TOPBP1: variants seen among roughly 807,000 people sequenced by gnomAD.
TOPBP1 encodes DNA topoisomerase 2-binding protein 1.
A neutral mutation model predicts 167.7 loss-of-function variants in TOPBP1; 28 were observed. The observed-to-expected ratio is 0.17, with a 90% CI of 0.12 to 0.23. The LOEUF (loss-of-function observed/expected upper bound fraction) is 0.23, where lower values mean the gene tolerates loss of function less well. TOPBP1 is among the 10% of genes least tolerant of loss of function. TOPBP1 has a pLI of 1.00. For synonymous variants in TOPBP1, 598 were observed against 611.4 expected, an observed-to-expected ratio of 0.98 and a Z score of 0.32; for missense variants, 1,554 against 1,809.6, an observed-to-expected ratio of 0.86 and a Z score of 2.56.
Position 133,656,774 on chromosome 3 carries a change from T to C in TOPBP1, c.447A>G (p.Gly149=), listed in dbSNP as rs1936490193. The change falls in exon 5 of 28, where the codon GGA becomes GGG. Residue 149 remains glycine (G), a synonymous_variant. Coordinates refer to ENST00000260810, the MANE Select transcript of TOPBP1 (RefSeq NM_007027.4). The part of the protein sequence containing the change: ...LNVSVTHLIA[G]EVGSKKYLVA... ...CTAAATATTTTTTGCTACCAACTTC[T>C]CCTGCAATAAGGTGAGTTACTGATA... 6.2e-7 allele frequency: 1 copy of C among 1,613,196 alleles called. No homozygotes were observed. Among genetic ancestry groups the C allele is most frequent in the East Asian group, 2.2e-5 (1 of 44,780 alleles).
chr3:133,653,351 T>A lies in TOPBP1; in HGVS notation c.916A>T (p.Ile306Phe), dbSNP rs746965373. ...SSTPTSQINT[I>F]DSRTLSDVSN... ...TAATCTCAATGAGACTCACTATCAA[T>A]TGTGTTGATCTGGCTGGTAGGAGTT... is the stretch of plus-strand genomic sequence containing the variant. The change falls in exon 7 of 28, where the codon ATT becomes TTT. Residue 306 changes from isoleucine to phenylalanine, a missense_variant. Transcript: ENST00000260810. 1 of 1,593,540 alleles carries A rather than the reference T, an allele frequency of 6.3e-7. No individual in the cohort carries two copies. Among genetic ancestry groups the A allele is most frequent in the South Asian group, 1.1e-5 (1 of 87,164 alleles).
intron 12 of TOPBP1, among the ~76,000 whole-genome samples, chr3:133,640,766 A>C (rs1174310723): frequency 6.6e-6 from 1 of 152,208 alleles, no homozygotes; most frequent in Non-Finnish European, 1.5e-5. Flanking sequence ...TCCCAAAAGA[A>C]GGCACAGAAA....
At position 133,657,874 on chromosome 3, in the gene TOPBP1, C is replaced by G; in HGVS notation, c.287G>C (p.Arg96Thr). The G allele has an allele frequency of 1.9e-6, 3 of 1,601,308 alleles. No homozygotes were observed. The highest frequency in any genetic ancestry group is 2.6e-6 in the Non-Finnish European group (3 of 1,175,154). Residue 96 changes from arginine to threonine, a missense_variant, in exon 4 of 28, where the codon AGA (arginine) becomes ACA (threonine). This residue lies in a region of TOPBP1 where 1,197 missense variants were observed against 1,351.5 expected (regional missense o/e 0.89). Transcript: ENST00000260810. ...CATATTATAAACTGGATGTTCGGCTCTTGGGACACATCGCTGGTGGTGCAT... is the reference window on the plus strand; with the variant it reads ...CATATTATAAACTGGATGTTCGGCTGTTGGGACACATCGCTGGTGGTGCAT... Reference protein sequence around the residue: ...FCMHHQRCVPRAEHPVYNMVM... With the variant: ...FCMHHQRCVPTAEHPVYNMVM...
Position 133,618,326 on chromosome 3 carries a change from T to G in TOPBP1, c.3479A>C (p.Asn1160Thr). 6.2e-7 allele frequency: 1 copy of G among 1,613,974 alleles called. No individual in the cohort carries two copies. The highest frequency in any genetic ancestry group is 8.5e-7 in the Non-Finnish European group (1 of 1,179,856). ...AREERARLAS[N>T]LQWPSCPTQY... ...TGTGGGACAACTAGGCCACTGCAAA[T>G]TGCTGGCAAGCCTTGCTCTCTCCTC... Residue 1160 changes from asparagine (N) to threonine (T), a missense_variant, in exon 21 of 28, where the codon AAT (asparagine) becomes ACT (threonine). Physicochemically the swap from Asn to Thr is moderately conservative, Grantham distance 65. Transcript: ENST00000260810.
At position 133,601,181 on chromosome 3, in the gene TOPBP1, AT is replaced by A; in HGVS notation, c.*68del. On this transcript the variant is annotated 3_prime_UTR_variant, in exon 28 of 28. Coordinates refer to ENST00000260810, the MANE Select transcript of TOPBP1 (RefSeq NM_007027.4). ...CATCTTTAAATTACTACCCAAATCT[AT>A]CACAGTCACATTCAGGCTTTCAATT... 1 of 1,380,284 alleles carries A rather than the reference AT, an allele frequency of 7.2e-7. No individual in the cohort carries two copies. The highest frequency in any genetic ancestry group is 9.9e-7 in the Non-Finnish European group (1 of 1,010,764). 85.5% of individuals were successfully genotyped at this position (1,380,284 alleles called of 1,614,324 possible).
At chr3:133,661,448 A>T (rs1342796866) in intron 1 of TOPBP1, among the ~76,000 whole-genome samples, 1 of 152,238 alleles carries the variant, frequency 6.6e-6, no homozygotes, top group Non-Finnish European at 1.5e-5. Flanking sequence ...TTAAGGATAC[A>T]CAGAGTGTAT....
chr3:133,636,392 AGAT>A (rs1351746799), intron 14 of TOPBP1, among the ~76,000 whole-genome samples: 1 of 66,950 alleles, frequency 1.5e-5, no homozygotes, highest in Non-Finnish European at 3.5e-5. Flanking sequence ...ATCAGTTTGA[AGAT>A]GATAAGATTA....
intron 27 of TOPBP1, among the ~76,000 whole-genome samples, chr3:133,606,793 C>T (rs1934507803): frequency 6.6e-6 from 1 of 151,936 alleles, no homozygotes; most frequent in South Asian, 2.1e-4. Context: ...GCTAGAACAC[C>T]TAGATATCTA....
intron 2 of TOPBP1, among the ~76,000 whole-genome samples, chr3:133,659,908 A>G (rs1936623315): frequency 6.6e-6 from 1 of 152,130 alleles, no homozygotes; most frequent in South Asian, 2.1e-4. Flanking sequence ...ATCCCTTTAA[A>G]ACTGTAAGTC....
rs1051109217 is a variant in TOPBP1 at position 133,608,966 on chromosome 3, C to T, written c.4174-4G>A. 1 of 1,602,194 alleles carries T rather than the reference C, an allele frequency of 6.2e-7. No homozygotes were observed. Among genetic ancestry groups the T allele is most frequent in the Non-Finnish European group, 8.5e-7 (1 of 1,175,604 alleles). On this transcript the variant is annotated splice_polypyrimidine_tract_variant and splice_region_variant and intron_variant, in intron 25 of 27. Coordinates refer to ENST00000260810, the MANE Select transcript of TOPBP1 (RefSeq NM_007027.4). ...CCTTCCACCCACTAAATGCTCCCTACAAATAAAAAACAATCAGTGGTGAAA... is the reference window on the plus strand; with the variant it reads ...CCTTCCACCCACTAAATGCTCCCTATAAATAAAAAACAATCAGTGGTGAAA...
At position 133,649,485 on chromosome 3, in the gene TOPBP1, T is replaced by C. The variant is rs772291073; in HGVS notation, c.1402A>G (p.Lys468Glu). 3 of 1,613,962 alleles carry C rather than the reference T, an allele frequency of 1.9e-6. No homozygotes were observed. Among genetic ancestry groups the C allele is most frequent in the South Asian group, 2.2e-5 (2 of 91,082 alleles). ...PESKAALLKK[K>E]NSSFSKKDFA... is the part of the protein sequence containing the mutation. ...TCTTTCTTAGAGAAGCTGCTGTTCTTCTTTTTTAAAAGAGCTGCTTTACTT... is the reference window on the plus strand; with the variant it reads ...TCTTTCTTAGAGAAGCTGCTGTTCTCCTTTTTTAAAAGAGCTGCTTTACTT... The change falls in exon 10 of 28, where the codon AAG (lysine) becomes GAG (glutamate). Residue 468 changes from lysine to glutamate, a missense_variant. Lys to Glu is a moderately conservative substitution (Grantham distance 56, BLOSUM62 1). Around this residue, in one of 3 missense-constraint regions of TOPBP1, gnomAD observed 1,197 missense variants for 1,351.5 expected, o/e 0.89. Coordinates refer to ENST00000260810, the MANE Select transcript of TOPBP1 (RefSeq NM_007027.4).
chr3:133,643,569 T>G (rs1476592222), intron 11 of TOPBP1, among the ~76,000 whole-genome samples, 197 bp from the exon 12 acceptor site: 2 of 152,170 alleles, frequency 1.3e-5, no homozygotes, highest in African/African-American at 4.8e-5. Flanking sequence ...TATACATACA[T>G]CGACTAATTA....
intron 23 of TOPBP1, 34 bp downstream of exon 23, chr3:133,616,780 T>C (rs1934904722): frequency 3.3e-6 from 4 of 1,229,978 alleles, no homozygotes; most frequent in Non-Finnish European, 4.5e-6. Context: ...GGTTATTATA[T>C]GGGACATTTT....
intron 16 of TOPBP1, among the ~76,000 whole-genome samples, chr3:133,625,447 C>T (rs1394922943): frequency 6.6e-6 from 1 of 152,094 alleles, no homozygotes; most frequent in African/African-American, 2.4e-5. Context: ...AATTAAGAAG[C>T]TGGGTGCAGT....
chr3:133,642,843 T>G (rs952416349), intron 12 of TOPBP1, among the ~76,000 whole-genome samples: 2 of 152,222 alleles, frequency 1.3e-5, no homozygotes, highest in Non-Finnish European at 2.9e-5. Context: ...TCCTTGATCC[T>G]TTCCTTTTGT....
At position 133,638,142 on chromosome 3, in the gene TOPBP1, T is replaced by C. The variant is rs759113990; in HGVS notation, c.2254A>G (p.Ile752Val). The stretch of plus-strand genomic sequence containing the variant: ...GAATTTAGATTGATTCCATTTGTTA[T>C]TTCTGTTTCCAAACTTCGTTCTAGA... ...TKEERSLETE[I>V]TNGINLNSDT... Residue 752 changes from isoleucine to valine, a missense_variant, in exon 14 of 28, where the codon ATA becomes GTA. Transcript: ENST00000260810. 3.1e-6 allele frequency: 5 copies of C among 1,613,234 alleles called. No individual in the cohort carries two copies. Among genetic ancestry groups the C allele is most frequent in the Non-Finnish European group, 4.2e-6 (5 of 1,179,304 alleles).
chr3:133,653,447 C>G lies in TOPBP1; in HGVS notation c.820G>C (p.Gly274Arg). Reference sequence around the variant, plus strand: ...TATATGGATTCATCCTGACAAAAACCTTTCTCAATACTGTCAAAAAACCAC... The same window carrying G: ...TATATGGATTCATCCTGACAAAAACGTTTCTCAATACTGTCAAAAAACCAC... ...TQWFFDSIEK[G>R]FCQDESIYKT... The change falls in exon 7 of 28, where the codon GGT becomes CGT. Residue 274 changes from glycine (G) to arginine (R), a missense_variant. Gly to Arg is a moderately radical substitution (Grantham distance 125). Around this residue, in one of 3 missense-constraint regions of TOPBP1, gnomAD observed 1,197 missense variants for 1,351.5 expected, o/e 0.89. Coordinates refer to ENST00000260810, the MANE Select transcript of TOPBP1 (RefSeq NM_007027.4). 1 of 1,612,984 alleles carries G rather than the reference C, an allele frequency of 6.2e-7. No individual in the cohort carries two copies. Among genetic ancestry groups the G allele is most frequent in the African/African-American group, 1.3e-5 (1 of 74,952 alleles).
chr3:133,652,364 A>C, intron 8 of TOPBP1, 99 bp downstream of exon 8: 1 of 1,294,988 alleles, frequency 7.7e-7, no homozygotes, highest in African/African-American at 1.5e-5. Flanking sequence ...GTTTACATAG[A>C]TAGTAAGGAG....
chr3:133,627,447 T>G lies in TOPBP1; in HGVS notation c.2804+915A>C, dbSNP rs1007421074. On this transcript the variant is annotated intron_variant, in intron 16 of 27. Coordinates refer to ENST00000260810, the MANE Select transcript of TOPBP1 (RefSeq NM_007027.4). Reference sequence around the variant, plus strand: ...ATAACAGATAAGATTACCTAACAATTTATAATAGGTAATACAAATATACCG... The same window carrying G: ...ATAACAGATAAGATTACCTAACAATGTATAATAGGTAATACAAATATACCG... 2.6e-5 allele frequency among the ~76,000 whole-genome samples: 4 copies of G among 152,160 alleles called. No individual in the cohort carries two copies. In the South Asian group the frequency reaches 6.2e-4, roughly 24 times the overall value.
Sources: gnomAD v4.1 joint callset for allele counts (sites outside exome capture counted in the v4.1 genomes callset) on GRCh38, gnomAD v4.1.1 for gene constraint, gnomAD v4.1.1 regional missense constraint, MANE v1.5 for transcripts, NCBI Gene and HGNC (gene_info 2026-07-23, HGNC 2026-07-21) for gene names.